The following MOCOS variants were observed in gnomAD, a reference collection of about 807,000 sequenced individuals.
MOCOS encodes human molybdenum cofactor sulfurase.
A neutral mutation model predicts 83.6 loss-of-function variants in MOCOS; 86 were observed. The ratio of observed to expected loss-of-function variants is 1.03; its 90% CI spans 0.86 to 1.23. The LOEUF (loss-of-function observed/expected upper bound fraction) is 1.23. MOCOS is among the 50% of genes most tolerant of loss of function. The pLI is 0.00. For missense variants in MOCOS, 1,120 were observed against 1,126.9 expected, an observed-to-expected ratio of 0.99 and a Z score of 0.09; for synonymous variants, 445 against 434.7, an observed-to-expected ratio of 1.02 and a Z score of -0.29.
rs1371310960 is a variant in MOCOS at position 36,215,684 on chromosome 18, C to T, written c.1504C>T (p.His502Tyr). Residue 502 changes from histidine to tyrosine, a missense_variant, in exon 8 of 15, where the codon CAT (histidine) becomes TAT (tyrosine). Coordinates refer to ENST00000261326, the MANE Select transcript of MOCOS (RefSeq NM_017947.4). ...AGGGGACTGGCCTGTCCCTCAGGCC[C>T]ATGCTGACACCGGGGAGACTGGAGC... ...SSGDWPVPQA[H>Y]ADTGETGAPS... 1.9e-6 allele frequency: 3 copies of T among 1,614,198 alleles called. No individual in the cohort carries two copies. Among genetic ancestry groups the T allele is most frequent in the Non-Finnish European group, 2.5e-6 (3 of 1,180,038 alleles).
At chr18:36,187,726 C>G in intron 1 of MOCOS, 45 bp downstream of exon 1, 1 of 1,252,362 alleles carries the variant, frequency 8.0e-7, no homozygotes, top group Non-Finnish European at 1.0e-6. Flanking sequence ...TTTCTGGAAC[C>G]GACGTGGACG....
At chr18:36,263,856 A>AT (rs1344231481) in intron 13 of MOCOS, among the ~76,000 whole-genome samples, 1 of 152,172 alleles carries the variant, frequency 6.6e-6, no homozygotes, top group Non-Finnish European at 1.5e-5. Context: ...TAAAATGAAG[A>AT]TTTTTTAAGA....
intron 9 of MOCOS, among the ~76,000 whole-genome samples, chr18:36,229,373 A>G (rs2091529626): frequency 6.6e-6 from 1 of 152,074 alleles, no homozygotes; most frequent in African/African-American, 2.4e-5. Flanking sequence ...AAAAAAATCC[A>G]CTGATTGTAT....
At chr18:36,240,684 C>T (rs916173996) in intron 9 of MOCOS, among the ~76,000 whole-genome samples, 8 of 152,320 alleles carry the variant, frequency 5.3e-5, no homozygotes, top group Middle Eastern at 3.4e-3. Context: ...TTCCCAGCTG[C>T]TTTGTTTACC....
intron 1 of MOCOS, among the ~76,000 whole-genome samples, chr18:36,193,997 G>T (rs535561367): frequency 1.3e-5 from 2 of 152,196 alleles, no homozygotes; most frequent in African/African-American, 2.4e-5. Flanking sequence ...AAATGTGGAC[G>T]TACCTTGAAA....
rs71168208 is a variant in MOCOS at position 36,232,855 on chromosome 18, T to TACACACACACAC, written c.1960+12661_1960+12672dup. On this transcript the variant is annotated intron_variant, in intron 9 of 14. Transcript: ENST00000261326. ...TTTTTATGGCTGAATAATATTCCAT[T>TACACACACACAC]ACACACACACACACACACACACACA... Among the ~76,000 whole-genome samples, 947 of 147,900 alleles carry TACACACACACAC rather than the reference T, an allele frequency of 6.4e-3. 5 individuals are homozygous for TACACACACACAC. The highest frequency in any genetic ancestry group is 0.014 in the African/African-American group (563 of 39,940).
intron 1 of MOCOS, among the ~76,000 whole-genome samples, chr18:36,193,688 TTTC>T (rs1364410388): frequency 2.0e-5 from 3 of 152,216 alleles, no homozygotes; most frequent in African/African-American, 7.2e-5. Context: ...TAGACAATAA[TTTC>T]TTATGACACC....
In MOCOS at chr18:36,203,976, C is replaced by T. The variant is rs17649410; in HGVS notation, c.1018+787C>T. On this transcript the variant is annotated intron_variant, in intron 5 of 14. Coordinates refer to ENST00000261326, the MANE Select transcript of MOCOS (RefSeq NM_017947.4). ...CAGTGTCTAACAGGTCCAGGTAGCT[C>T]GGAATGCAAAGGTTGACTGTACCAG... 2.1e-3 allele frequency among the ~76,000 whole-genome samples: 326 copies of T among 152,248 alleles called. 2 individuals are homozygous for T. The highest frequency in any genetic ancestry group is 7.2e-3 in the African/African-American group (299 of 41,534).
In MOCOS at chr18:36,271,563, G is replaced by A. The variant is rs540112441; in HGVS notation, c.*2878G>A. 2 of 152,152 alleles carry A rather than the reference G, an allele frequency of 1.3e-5. No homozygotes were observed. Among genetic ancestry groups the A allele is most frequent in the East Asian group, 3.9e-4 (2 of 5,172 alleles). 9.4% of individuals were successfully genotyped at this position (152,152 alleles called of 1,614,324 possible). A position where few individuals can be genotyped will look rare whatever the true frequency, so the allele number is the denominator to read the frequency against. On this transcript the variant is annotated 3_prime_UTR_variant, in exon 15 of 15. Coordinates refer to ENST00000261326, the MANE Select transcript of MOCOS (RefSeq NM_017947.4). ...TTCAGCCTTATGTGCTTCTCAAAGT[G>A]TATAACAAAATCAAAGACAATGTCA... is the stretch of plus-strand genomic sequence containing the variant.
chr18:36,255,884 GTTTT>G (rs74181121), intron 11 of MOCOS, among the ~76,000 whole-genome samples: 43,884 of 133,920 alleles, frequency 0.33, 7,616 homozygotes, highest in Admixed American at 0.46. Context: ...CCTTTTAGTA[GTTTT>G]TTTTTTTTTT....
chr18:36,233,271 A>T (rs962961028), intron 9 of MOCOS, among the ~76,000 whole-genome samples: 1 of 152,152 alleles, frequency 6.6e-6, no homozygotes, highest in African/African-American at 2.4e-5. Context: ...GAGAACATAC[A>T]ATGTTTGTTT....
chr18:36,254,555 G>C (rs1051765305), intron 11 of MOCOS, among the ~76,000 whole-genome samples: 3 of 149,632 alleles, frequency 2.0e-5, no homozygotes, highest in Non-Finnish European at 4.4e-5. Context: ...TCCTTTAATA[G>C]TCAGTTTTAT....
chr18:36,214,321 A>AT (rs937131216), intron 7 of MOCOS, among the ~76,000 whole-genome samples: 5 of 151,728 alleles, frequency 3.3e-5, no homozygotes, highest in South Asian at 2.1e-4. Context: ...TTTCAGATTC[A>AT]TTTTTTACTT....
At chr18:36,239,840 A>T (rs2091574235) in intron 9 of MOCOS, among the ~76,000 whole-genome samples, 1 of 151,772 alleles carries the variant, frequency 6.6e-6, no homozygotes, top group Non-Finnish European at 1.5e-5. Context: ...GTTTCTTTTT[A>T]TTCTTTTTTC....
intron 11 of MOCOS, among the ~76,000 whole-genome samples, chr18:36,254,858 T>C (rs2144144991): frequency 6.6e-6 from 1 of 152,228 alleles, no homozygotes. Context: ...GTTTAAGTGC[T>C]AGGAAATTTC....
intron 5 of MOCOS, among the ~76,000 whole-genome samples, chr18:36,203,891 CAGTGAGT>C (rs1412837435): frequency 1.3e-5 from 2 of 152,140 alleles, no homozygotes; most frequent in Non-Finnish European, 2.9e-5. Context: ...TAAATACAGG[CAGTGAGT>C]AGTGAGTACT....
rs542372652 is a variant in MOCOS at position 36,270,579 on chromosome 18, G to A, written c.*1894G>A. 5 of 152,190 alleles carry A rather than the reference G, an allele frequency of 3.3e-5. No homozygotes were observed. Among genetic ancestry groups the A allele is most frequent in the African/African-American group, 1.2e-4 (5 of 41,458 alleles). The allele number at this position is 152,190 out of a possible 1,614,324, so 9.4% of individuals were successfully genotyped here. On this transcript the variant is annotated 3_prime_UTR_variant, in exon 15 of 15. Transcript: ENST00000261326. ...ATACAAAAAATTAGCTGGGCATGGT[G>A]GCATGCACCTGTAGTCCCAGCTACT...
In MOCOS at chr18:36,210,721, C is replaced by T. The variant is rs1392410520; in HGVS notation, c.1219-2645C>T. Among the ~76,000 whole-genome samples the T allele has an allele frequency of 2.6e-5, 4 of 151,416 alleles. No homozygotes were observed. The South Asian group carries it at 6.3e-4, about 24-fold the overall frequency. On this transcript the variant is annotated intron_variant, in intron 6 of 14. Coordinates refer to ENST00000261326, the MANE Select transcript of MOCOS (RefSeq NM_017947.4). ...CAAAAATTAGCTGGGCGTGGTGGCA[C>T]ACACCTGTAACCCCAGCTACTCAGA...
intron 11 of MOCOS, among the ~76,000 whole-genome samples, chr18:36,256,313 T>C (rs2091641310): frequency 6.6e-6 from 1 of 152,242 alleles, no homozygotes; most frequent in Non-Finnish European, 1.5e-5. Flanking sequence ...CCTTTTGCCC[T>C]CACCAGGGCT....
Sources: gnomAD v4.1 joint callset for allele counts (sites outside exome capture counted in the v4.1 genomes callset) on GRCh38, gnomAD v4.1.1 for gene constraint, MANE v1.5 for transcripts, NCBI Gene and HGNC (gene_info 2026-07-23, HGNC 2026-07-21) for gene names.